The following NCAPD3 variants were observed in gnomAD, a reference collection of about 807,000 sequenced individuals.
NCAPD3 encodes the protein non-SMC condensin II complex subunit D3, also known as condensin-2 complex subunit D3.
NCAPD3 carries 105 observed loss-of-function variants against 182.9 expected under a neutral mutation model. The ratio of observed to expected loss-of-function variants is 0.57; its 90% CI spans 0.49 to 0.68. The LOEUF (loss-of-function observed/expected upper bound fraction) is 0.68. Ranked by LOEUF, NCAPD3 falls within the 30% of genes least tolerant of loss-of-function variation. The pLI is 0.00. For synonymous variants in NCAPD3, 815 were observed against 679.9 expected (o/e 1.20, Z -3.09); for missense variants, 1,944 against 1,837.0 (o/e 1.06, Z -1.07).
At chr11:134,221,532 AT>A (rs1349683616) in intron 1 of NCAPD3, among the ~76,000 whole-genome samples, 21 of 151,976 alleles carry the variant, frequency 1.4e-4, no homozygotes, top group African/African-American at 4.8e-4. Flanking sequence ...CTATCCCTCC[AT>A]CCCCCCTTCC....
At chr11:134,162,039 C>G (rs1943597538) in intron 27 of NCAPD3, 148 bp from the exon 28 acceptor site, 1 of 554,524 alleles carries the variant, frequency 1.8e-6, no homozygotes, top group African/African-American at 1.9e-5. Flanking sequence ...TAGAGGACCT[C>G]TGCTTTTCTC....
chr11:134,210,463 G>A lies in NCAPD3; in HGVS notation c.383-9C>T. ...TTGATTGGCTACACTGCCTATTCAT[G>A]AGGAATAAAGAGTAAGCAAGTTAGA... On this transcript the variant is annotated splice_polypyrimidine_tract_variant and intron_variant, in intron 3 of 34. Transcript: ENST00000534548. The A allele has an allele frequency of 4.4e-6, 7 of 1,606,922 alleles. No individual in the cohort carries two copies. Among genetic ancestry groups the A allele is most frequent in the Non-Finnish European group, 5.1e-6 (6 of 1,175,264 alleles).
At chr11:134,173,330 AGATG>A (rs1944064962) in intron 24 of NCAPD3, 1 of 154,338 alleles carries the variant, frequency 6.5e-6, no homozygotes, top group African/African-American at 2.4e-5. Context: ...GAGATACCAC[AGATG>A]GATGAAGGCT....
At chr11:134,219,343 G>A (rs753998171) in intron 2 of NCAPD3, among the ~76,000 whole-genome samples, 6 of 152,046 alleles carry the variant, frequency 3.9e-5, no homozygotes, top group African/African-American at 7.2e-5. Flanking sequence ...ATTTCCAGGC[G>A]CCCAAATGCA....
chr11:134,218,111 G>GGC (rs1491390232), intron 2 of NCAPD3, among the ~76,000 whole-genome samples: 1 of 28,786 alleles, frequency 3.5e-5, no homozygotes, highest in Non-Finnish European at 5.5e-5. Flanking sequence ...AAAAAAAAAA[G>GGC]GGGGGGGGGG....
intron 24 of NCAPD3, among the ~76,000 whole-genome samples, chr11:134,175,617 G>A (rs975797463): frequency 6.6e-6 from 1 of 152,236 alleles, no homozygotes; most frequent in East Asian, 1.9e-4. Flanking sequence ...TCCCCACTGT[G>A]GGGCTTTTGC....
rs1254397356 is a variant in NCAPD3, at chr11:134,150,835, C to G, written c.*2109G>C. ...AAACAAACCATGATGGAGTGGCGGC[C>G]AGTCCAGCCTTTTAAAGAACGTCAG... On this transcript the variant is annotated 3_prime_UTR_variant, in exon 35 of 35. Transcript: ENST00000534548. The G allele has an allele frequency of 6.6e-6, 1 of 152,172 alleles. No individual in the cohort carries two copies. The highest frequency in any genetic ancestry group is 2.4e-5 in the African/African-American group (1 of 41,420). 9.4% of individuals were successfully genotyped at this position (152,172 alleles called of 1,614,324 possible).
chr11:134,156,944 T>C, intron 32 of NCAPD3, 74 bp downstream of exon 32: 1 of 1,340,092 alleles, frequency 7.5e-7, no homozygotes, highest in Non-Finnish European at 1.1e-6. Context: ...GGAGTTTTAC[T>C]GCGACTCTAG....
rs550941587 is a variant in NCAPD3, at chr11:134,173,960, CA to C, written c.3101+2346del. ...TGGGCGACAGAACAAGACTCCATCT[CA>C]AAAAAAAAAAGAAAACAAACAAAAA... On this transcript the variant is annotated intron_variant, in intron 24 of 34. Transcript: ENST00000534548. 2.4e-3 allele frequency among the ~76,000 whole-genome samples: 317 copies of C among 132,650 alleles called. 1 individual carries two copies. The highest frequency in any genetic ancestry group is 0.016 in the South Asian group (68 of 4,262). 87.0% of individuals were successfully genotyped at this position (132,650 alleles called of 152,430 possible).
At chr11:134,213,307 GACTGAGAC>G (rs1293725749) in intron 3 of NCAPD3, among the ~76,000 whole-genome samples, 1 of 151,872 alleles carries the variant, frequency 6.6e-6, no homozygotes, top group Non-Finnish European at 1.5e-5. Context: ...CTGGGTGACA[GACTGAGAC>G]CCTGGACCTC....
At chr11:134,184,850 C>CA in intron 18 of NCAPD3, 53 bp downstream of exon 18, 27 of 1,402,642 alleles carry the variant, frequency 1.9e-5, no homozygotes, top group Admixed American at 3.4e-5. Context: ...CACACACACA[C>CA]CTGAAATGAA....
At chr11:134,191,444 T>C (rs757908833) in intron 16 of NCAPD3, among the ~76,000 whole-genome samples, 6 of 152,208 alleles carry the variant, frequency 3.9e-5, no homozygotes, top group Non-Finnish European at 5.9e-5. Flanking sequence ...ATACTCTCTT[T>C]GTGATATTTA....
At chr11:134,180,970 G>A (rs1009789866) in intron 20 of NCAPD3, 107 bp downstream of exon 20, 4 of 743,318 alleles carry the variant, frequency 5.4e-6, no homozygotes, top group Admixed American at 4.9e-5. Flanking sequence ...GGCTAAGACA[G>A]CTCTTTTGTT....
At chr11:134,188,012 G>A (rs1387578007) in intron 16 of NCAPD3, among the ~76,000 whole-genome samples, 3 of 152,120 alleles carry the variant, frequency 2.0e-5, no homozygotes, top group Middle Eastern at 3.2e-3. Context: ...TGTTAGGGTC[G>A]GCCCTAACCC....
chr11:134,168,837 C>G, intron 25 of NCAPD3, 80 bp downstream of exon 25: 1 of 1,520,256 alleles, frequency 6.6e-7, no homozygotes, highest in East Asian at 2.3e-5. Flanking sequence ...CCAATCACTA[C>G]ATGCAAAGAG....
At chr11:134,177,191 A>T in intron 23 of NCAPD3, 28 bp downstream of exon 23, 2 of 1,524,822 alleles carry the variant, frequency 1.3e-6, no homozygotes, top group South Asian at 1.1e-5. Context: ...GGTGAAGGGG[A>T]AAGGACAGAT....
chr11:134,203,229 A>G, intron 11 of NCAPD3, 31 bp from the exon 12 acceptor site: 5 of 1,475,624 alleles, frequency 3.4e-6, no homozygotes, highest in Non-Finnish European at 4.7e-6. Flanking sequence ...AAGAAGGAAG[A>G]AGTCAGTATC....
intron 18 of NCAPD3, 58 bp from the exon 19 acceptor site, chr11:134,184,810 T>TATACACACAC: frequency 9.9e-7 from 1 of 1,008,314 alleles, no homozygotes; most frequent in Non-Finnish European, 1.5e-6. Flanking sequence ...CAGGTATATA[T>TATACACACAC]ACACACACAC....
rs1937622794 is a variant in NCAPD3, at chr11:134,206,730, G to T, written c.885C>A (p.Val295=). The change falls in exon 8 of 35, where the codon GTC becomes GTA. Residue 295 remains valine (V), a splice_region_variant and synonymous_variant. Transcript: ENST00000534548. ...CSPIHGEGDK[V]ISCVFHQMLS... ...GCATTTGATGGAAAACACAACTGAT[G>T]ACCTAGAAGAGAAAAGAAAATTCAA... 1.2e-6 allele frequency: 2 copies of T among 1,600,208 alleles called. No individual in the cohort carries two copies. The highest frequency in any genetic ancestry group is 1.7e-6 in the Non-Finnish European group (2 of 1,175,452).
Sources: gnomAD v4.1 joint callset for allele counts (sites outside exome capture counted in the v4.1 genomes callset) on GRCh38, gnomAD v4.1.1 for gene constraint, MANE v1.5 for transcripts, NCBI Gene and HGNC (gene_info 2026-07-23, HGNC 2026-07-21) for gene names.